Variants in KREMEN1 observed in about 807,000 individuals in gnomAD.
KREMEN1 encodes the protein kremen protein 1.
Under a neutral mutation model 46.5 loss-of-function variants are expected in KREMEN1, and 30 were observed. The observed-to-expected ratio is 0.65, with a 90% confidence interval of 0.48 to 0.88. The LOEUF (loss-of-function observed/expected upper bound fraction) is 0.88. Among genes scored for constraint, KREMEN1 ranks in the 40% least tolerant of loss-of-function variants. KREMEN1 has a pLI of 0.00. For synonymous variants in KREMEN1, 214 were observed against 230.6 expected (o/e 0.93, Z 0.65); for missense variants, 533 against 596.9 (o/e 0.89, Z 1.11).
At chr22:29,137,226 A>T in intron 5 of KREMEN1, 116 bp from the exon 6 acceptor site, 1 of 668,252 alleles carries the variant, frequency 1.5e-6, no homozygotes, top group Non-Finnish European at 2.4e-6. Flanking sequence ...TTACAGATAG[A>T]AACAATGTCC....
intron 9 of KREMEN1, among the ~76,000 whole-genome samples, chr22:29,155,388 A>T (rs1005377730): frequency 3.3e-5 from 5 of 152,068 alleles, no homozygotes; most frequent in Non-Finnish European, 5.9e-5. Context: ...TATAAAAATT[A>T]GCCAAGCATG....
chr22:29,092,890 G>A (rs1262764260), intron 1 of KREMEN1, among the ~76,000 whole-genome samples: 2 of 152,142 alleles, frequency 1.3e-5, no homozygotes, highest in South Asian at 2.1e-4. Context: ...CAGGAGAATC[G>A]CTTGAACCTG....
intron 9 of KREMEN1, among the ~76,000 whole-genome samples, chr22:29,165,413 AAAG>A (rs1370289996): frequency 6.6e-6 from 1 of 152,136 alleles, no homozygotes; most frequent in Non-Finnish European, 1.5e-5. Context: ...AAAAAAAAAA[AAAG>A]TAGTTCAGAA....
intron 1 of KREMEN1, among the ~76,000 whole-genome samples, chr22:29,081,589 A>T (rs1228172533): frequency 6.6e-6 from 1 of 152,188 alleles, no homozygotes; most frequent in Non-Finnish European, 1.5e-5. Context: ...TCTGTTGGCC[A>T]CTATTTGCTC....
At chr22:29,140,185 C>A in intron 7 of KREMEN1, 97 bp from the exon 8 acceptor site, 1 of 887,214 alleles carries the variant, frequency 1.1e-6, no homozygotes, top group South Asian at 1.4e-5. Context: ...TGCAGGGAGC[C>A]CCTCAGCCAG....
intron 3 of KREMEN1, among the ~76,000 whole-genome samples, chr22:29,117,072 T>C (rs1235650753): frequency 6.6e-6 from 1 of 152,152 alleles, no homozygotes; most frequent in Non-Finnish European, 1.5e-5. Flanking sequence ...GGGTGAGTCT[T>C]TGGGTTAACA....
chr22:29,137,351 G>A lies in KREMEN1; in HGVS notation c.641G>A (p.Gly214Asp). ...TTTTTCTCTCCTACAGCTCTCGTGG[G>A]CGCCTGCGGTGGGAACTACTCAGCC... ...GRIILFDTLV[G>D]ACGGNYSAMS... The change falls in exon 6 of 9, where the codon GGC becomes GAC. Residue 214 changes from glycine (G) to aspartate (D), a missense_variant. Coordinates refer to ENST00000400335, the MANE Select transcript of KREMEN1 (RefSeq NM_001039570.3). The A allele has an allele frequency of 6.8e-7, 1 of 1,478,336 alleles. No homozygotes were observed. The highest frequency in any genetic ancestry group is 9.0e-7 in the Non-Finnish European group (1 of 1,108,482). 91.6% of individuals were successfully genotyped at this position (1,478,336 alleles called of 1,614,324 possible).
At chr22:29,127,394 GA>G (rs1256023191) in intron 5 of KREMEN1, among the ~76,000 whole-genome samples, 1 of 152,208 alleles carries the variant, frequency 6.6e-6, no homozygotes, top group Non-Finnish European at 1.5e-5. Flanking sequence ...GATATATGGA[GA>G]AATTGGAACC....
rs1305993570 is a variant in KREMEN1, at chr22:29,157,367, C to T, written c.1417-9677C>T. On this transcript the variant is annotated intron_variant, in intron 9 of 9. Coordinates refer to the KREMEN1 transcript ENST00000327813. ...TTCGTTGTGGTTTGAGATGGAGTCT[C>T]GCTCTTGTTGCCCAGGCTGGAGTGC... is the stretch of plus-strand genomic sequence containing the variant. Among the ~76,000 whole-genome samples, 5 of 152,252 alleles carry T rather than the reference C, an allele frequency of 3.3e-5. No individual in the cohort carries two copies. The South Asian group carries it at 6.2e-4, about 19-fold the overall frequency.
At chr22:29,165,907 G>A (rs1020606670) in intron 9 of KREMEN1, among the ~76,000 whole-genome samples, 15 of 152,306 alleles carry the variant, frequency 9.8e-5, no homozygotes, top group South Asian at 8.3e-4. Flanking sequence ...CGTTAGCAGC[G>A]GGGAGAGGAA....
intron 9 of KREMEN1, among the ~76,000 whole-genome samples, chr22:29,156,183 C>A (rs893319753): frequency 6.6e-6 from 1 of 152,210 alleles, no homozygotes; most frequent in African/African-American, 2.4e-5. Context: ...ATCACCCATG[C>A]CACTGCCCTG....
chr22:29,079,357 CCT>C (rs1257910832), intron 1 of KREMEN1, among the ~76,000 whole-genome samples: 1 of 152,232 alleles, frequency 6.6e-6, no homozygotes, highest in Non-Finnish European at 1.5e-5. Flanking sequence ...CGCAAAGTTG[CCT>C]CTCTCCCTGC....
chr22:29,108,857 A>G (rs575952682), intron 3 of KREMEN1, among the ~76,000 whole-genome samples: 3 of 152,206 alleles, frequency 2.0e-5, no homozygotes, highest in South Asian at 2.1e-4. Flanking sequence ...TGGCACGATC[A>G]TGGATCACTG....
At chr22:29,123,579 G>C (rs1301106353) in intron 4 of KREMEN1, among the ~76,000 whole-genome samples, 1 of 152,252 alleles carries the variant, frequency 6.6e-6, no homozygotes, top group Non-Finnish European at 1.5e-5. Flanking sequence ...ATCACTTGAG[G>C]TCAGGAGTTT....
chr22:29,108,859 G>A (rs2038100756), intron 3 of KREMEN1, among the ~76,000 whole-genome samples: 1 of 152,064 alleles, frequency 6.6e-6, no homozygotes, highest in African/African-American at 2.4e-5. Flanking sequence ...GCACGATCAT[G>A]GATCACTGCA....
downstream of KREMEN1, among the ~76,000 whole-genome samples, chr22:29,149,288 G>A (rs532573888): frequency 2.6e-5 from 4 of 151,924 alleles, no homozygotes; most frequent in Admixed American, 6.6e-5. Flanking sequence ...TCAGCCTCCC[G>A]AGTAGCTGGG....
At chr22:29,122,500 C>T (rs530415468) in intron 4 of KREMEN1, among the ~76,000 whole-genome samples, 8 of 152,290 alleles carry the variant, frequency 5.3e-5, no homozygotes, top group African/African-American at 1.9e-4. Flanking sequence ...CACATCAAGA[C>T]TTATATATGA....
At chr22:29,140,998 C>T (rs1043795730) in intron 8 of KREMEN1, among the ~76,000 whole-genome samples, 10 of 152,298 alleles carry the variant, frequency 6.6e-5, no homozygotes, top group Middle Eastern at 3.4e-3. Flanking sequence ...CTTTCCGGTG[C>T]TTTCTACTCC....
chr22:29,142,330 G>C lies in KREMEN1; in HGVS notation c.*218G>C. 8.0e-7 allele frequency: 1 copy of C among 1,253,490 alleles called. No individual in the cohort carries two copies. Among genetic ancestry groups the C allele is most frequent in the African/African-American group, 1.5e-5 (1 of 64,942 alleles). 77.6% of individuals were successfully genotyped at this position (1,253,490 alleles called of 1,614,324 possible). ...TGCTTCATCGATTGCACTTAGGAGA[G>C]AGACTCAAAGCCCTGGGGCCCGGCC... On this transcript the variant is annotated 3_prime_UTR_variant, in exon 9 of 9. Transcript: ENST00000400335.
Sources: allele counts gnomAD v4.1 joint callset (sites outside exome capture counted in the v4.1 genomes callset), GRCh38; gene constraint gnomAD v4.1.1; transcripts MANE v1.5; gene names NCBI Gene and HGNC (gene_info 2026-07-23, HGNC 2026-07-21).